PTPRC: variants seen among roughly 807,000 people sequenced by gnomAD.
PTPRC encodes the protein receptor-type tyrosine-protein phosphatase C.
Under a neutral mutation model 155.9 loss-of-function variants are expected in PTPRC, and 44 were observed. The observed-to-expected ratio is 0.28, with a 90% CI of 0.22 to 0.36. The LOEUF is 0.36. Ranked by LOEUF, PTPRC falls within the 10% of genes least tolerant of loss-of-function variation. The pLI, the probability that PTPRC is intolerant of heterozygous loss-of-function variation, is 1.00. For synonymous variants in PTPRC, 525 were observed against 533.1 expected, an observed-to-expected ratio of 0.98 and a Z score of 0.21; for missense variants, 1,401 against 1,564.6, an observed-to-expected ratio of 0.90 and a Z score of 1.76.
rs764400498 is a variant in PTPRC, at chr1:198,744,050, G to A, written c.2698-4G>A. 1.9e-6 allele frequency: 3 copies of A among 1,597,286 alleles called. No homozygotes were observed. The highest frequency in any genetic ancestry group is 2.2e-5 in the South Asian group (2 of 90,752). On this transcript the variant is annotated splice_region_variant and splice_polypyrimidine_tract_variant and intron_variant, in intron 25 of 32. Coordinates refer to ENST00000442510, the MANE Select transcript of PTPRC (RefSeq NM_002838.5). ...ACTATCTGTATTTGTTCTTGAAATT[G>A]TAGGCCCAGTACATCTTGATCCATC...
intron 2 of PTPRC, among the ~76,000 whole-genome samples, chr1:198,687,431 A>G (rs1665689985): frequency 6.6e-6 from 1 of 152,218 alleles, no homozygotes; most frequent in Non-Finnish European, 1.5e-5. Context: ...ATTTAGGAAG[A>G]ATTAAAATAT....
intron 2 of PTPRC, among the ~76,000 whole-genome samples, chr1:198,654,601 A>G (rs1663441493): frequency 6.6e-6 from 1 of 151,766 alleles, no homozygotes; most frequent in African/African-American, 2.4e-5. Flanking sequence ...GTATTTAACA[A>G]CCAAATTTGG....
In PTPRC at chr1:198,709,985, C is replaced by A. The variant is rs10800583; in HGVS notation, c.1171+161C>A. 0.096 allele frequency among the ~76,000 whole-genome samples: 14,602 copies of A among 152,122 alleles called. 838 individuals are homozygous for A. The highest frequency in any genetic ancestry group is 0.13 in the Non-Finnish European group (8,556 of 67,962). ...AAGCGCAATTTATCTATTTTTACTT[C>A]TTTTGCTTATGTTTTTGGTGTCGTA... On this transcript the variant is annotated intron_variant, in intron 11 of 32. Coordinates refer to ENST00000442510, the MANE Select transcript of PTPRC (RefSeq NM_002838.5).
intron 9 of PTPRC, among the ~76,000 whole-genome samples, chr1:198,707,470 G>C (rs1300729319): frequency 6.6e-6 from 1 of 152,088 alleles, no homozygotes; most frequent in African/African-American, 2.4e-5. Context: ...GACAGGCGTC[G>C]GGCAGACTCT....
intron 2 of PTPRC, among the ~76,000 whole-genome samples, chr1:198,683,740 A>T (rs545778112): frequency 6.6e-6 from 1 of 152,082 alleles, no homozygotes; most frequent in Non-Finnish European, 1.5e-5. Flanking sequence ...GGATTAATAC[A>T]AATAAAGGAT....
intron 14 of PTPRC, among the ~76,000 whole-genome samples, chr1:198,719,695 C>G (rs1045996463): frequency 2.6e-5 from 4 of 151,960 alleles, no homozygotes; most frequent in African/African-American, 9.7e-5. Context: ...ACTGCAACCT[C>G]CGCCTCCCGG....
chr1:198,742,942 T>C (rs1413108504), intron 25 of PTPRC, among the ~76,000 whole-genome samples: 1 of 151,516 alleles, frequency 6.6e-6, no homozygotes, highest in Non-Finnish European at 1.5e-5. Flanking sequence ...TGATTGTAAG[T>C]GATGGTAATT....
At chr1:198,696,316 C>T (rs189346396) in intron 3 of PTPRC, among the ~76,000 whole-genome samples, 2 of 151,702 alleles carry the variant, frequency 1.3e-5, no homozygotes, top group African/African-American at 4.8e-5. Context: ...TCTTTATCTA[C>T]AACTTTTTAA....
chr1:198,640,135 G>A (rs1244844284), intron 2 of PTPRC, among the ~76,000 whole-genome samples: 1 of 151,856 alleles, frequency 6.6e-6, no homozygotes, highest in African/African-American at 2.4e-5. Context: ...TGAAATCTTT[G>A]CACATTTATG....
At chr1:198,703,200 A>T (rs763977771) in intron 6 of PTPRC, 98 bp from the exon 7 acceptor site, 76 of 1,564,858 alleles carry the variant, frequency 4.9e-5, no homozygotes, top group Non-Finnish European at 6.5e-5. Context: ...CCTAGAGCAA[A>T]GATGCCAATA....
chr1:198,673,320 A>G (rs960963495), intron 2 of PTPRC, among the ~76,000 whole-genome samples: 1 of 152,180 alleles, frequency 6.6e-6, no homozygotes, highest in African/African-American at 2.4e-5. Flanking sequence ...GTGTGGATTC[A>G]AATTTTTCTC....
chr1:198,679,249 T>G (rs1220865484), intron 2 of PTPRC: 2 of 156,094 alleles, frequency 1.3e-5, no homozygotes, highest in African/African-American at 2.4e-5. Flanking sequence ...TTTTTTTTTT[T>G]TTGAGACGGA....
intron 2 of PTPRC, among the ~76,000 whole-genome samples, chr1:198,658,956 G>T (rs1035905283): frequency 6.6e-6 from 1 of 152,068 alleles, no homozygotes. Context: ...ACAGACATGC[G>T]CAGGAAGTAT....
chr1:198,683,650 C>T (rs181120161), intron 2 of PTPRC, among the ~76,000 whole-genome samples: 244 of 152,172 alleles, frequency 1.6e-3, no homozygotes, highest in Non-Finnish European at 2.6e-3. Context: ...GCACAGATCA[C>T]GTTACCCCAC....
chr1:198,660,467 C>A (rs926149175), intron 2 of PTPRC, among the ~76,000 whole-genome samples: 1 of 126,392 alleles, frequency 7.9e-6, no homozygotes, highest in Admixed American at 8.5e-5. Context: ...TACATAAACA[C>A]ACCCAAATAT....
At chr1:198,742,740 G>A (rs1432508642) in intron 25 of PTPRC, among the ~76,000 whole-genome samples, 5 of 151,774 alleles carry the variant, frequency 3.3e-5, no homozygotes, top group Non-Finnish European at 7.4e-5. Flanking sequence ...TACACTTACA[G>A]GTTTCAAATC....
At chr1:198,642,911 T>G (rs1009200777) in intron 2 of PTPRC, among the ~76,000 whole-genome samples, 5 of 121,926 alleles carry the variant, frequency 4.1e-5, no homozygotes, top group African/African-American at 1.3e-4. Flanking sequence ...TTTCTTCCTT[T>G]CTTTCTTTCT....
At chr1:198,724,542 A>G (rs762726752) in intron 15 of PTPRC, among the ~76,000 whole-genome samples, 1 of 152,184 alleles carries the variant, frequency 6.6e-6, no homozygotes, top group African/African-American at 2.4e-5. Flanking sequence ...CATACAAAAA[A>G]AATTTTTATT....
At chr1:198,659,120 C>CT (rs1251749930) in intron 2 of PTPRC, among the ~76,000 whole-genome samples, 1 of 152,002 alleles carries the variant, frequency 6.6e-6, no homozygotes, top group African/African-American at 2.4e-5. Flanking sequence ...AGAGAATATA[C>CT]TTTTTTTAAG....
Sources: gnomAD v4.1 joint callset for allele counts (sites outside exome capture counted in the v4.1 genomes callset) on GRCh38, gnomAD v4.1.1 for gene constraint, MANE v1.5 for transcripts, NCBI Gene and HGNC (gene_info 2026-07-23, HGNC 2026-07-21) for gene names.